The following RNF152 variants were observed in gnomAD, a reference collection of about 807,000 sequenced individuals.
The protein encoded by RNF152 is E3 ubiquitin-protein ligase RNF152.
RNF152 carries 11 observed loss-of-function variants against 12.7 expected under a neutral mutation model. That is an observed-to-expected ratio of 0.86 (90% CI 0.54 to 1.43). The LOEUF (loss-of-function observed/expected upper bound fraction) is 1.43, where lower values mean the gene tolerates loss of function less well. Among genes scored for constraint, RNF152 ranks in the 40% most tolerant of loss-of-function variants. RNF152 has a pLI of 0.00. For synonymous variants in RNF152, 113 were observed against 120.3 expected, an observed-to-expected ratio of 0.94 and a Z score of 0.40; for missense variants, 255 against 274.8, an observed-to-expected ratio of 0.93 and a Z score of 0.51.
At chr18:61,889,358 G>A (rs1912843723) in intron 1 of RNF152, among the ~76,000 whole-genome samples, 1 of 152,156 alleles carries the variant, frequency 6.6e-6, no homozygotes, top group South Asian at 2.1e-4. Context: ...TTATGCTTAA[G>A]GTATTTATCA....
At chr18:61,885,733 T>C (rs1912660696) in intron 1 of RNF152, among the ~76,000 whole-genome samples, 1 of 152,196 alleles carries the variant, frequency 6.6e-6, no homozygotes, top group Non-Finnish European at 1.5e-5. Context: ...AGAGTTTCTA[T>C]CATGTGAATG....
At chr18:61,857,874 C>T (rs1332265395) in intron 1 of RNF152, among the ~76,000 whole-genome samples, 2 of 152,224 alleles carry the variant, frequency 1.3e-5, no homozygotes, top group Non-Finnish European at 2.9e-5. Context: ...TCCAAAATAA[C>T]ACATTTGCCT....
At chr18:61,820,955 G>A (rs1909376663) in intron 1 of RNF152, among the ~76,000 whole-genome samples, 1 of 152,128 alleles carries the variant, frequency 6.6e-6, no homozygotes, top group African/African-American at 2.4e-5. Flanking sequence ...TGTGGCTGAA[G>A]GTCAAGTGAG....
chr18:61,848,991 A>AG (rs2144689804), intron 1 of RNF152, among the ~76,000 whole-genome samples: 1 of 152,284 alleles, frequency 6.6e-6, no homozygotes, highest in African/African-American at 2.4e-5. Context: ...GCACCAGCCC[A>AG]GGGGAGAACA....
At chr18:61,834,279 G>T (rs1387715533) in intron 1 of RNF152, among the ~76,000 whole-genome samples, 1 of 152,212 alleles carries the variant, frequency 6.6e-6, no homozygotes, top group Non-Finnish European at 1.5e-5. Flanking sequence ...CCCAAGCTAA[G>T]AGAAAGAATG....
At chr18:61,816,792 T>C (rs1362734014) in intron 1 of RNF152, among the ~76,000 whole-genome samples, 194 bp from the exon 2 acceptor site, 1 of 152,210 alleles carries the variant, frequency 6.6e-6, no homozygotes, top group Non-Finnish European at 1.5e-5. Context: ...AGAGAGCATG[T>C]CATGGCAAAT....
chr18:61,872,082 TTAC>T (rs572690204), intron 1 of RNF152, among the ~76,000 whole-genome samples: 120 of 152,244 alleles, frequency 7.9e-4, no homozygotes, highest in South Asian at 3.9e-3. Flanking sequence ...CTCAGGAAAC[TTAC>T]AAACATGGTG....
In RNF152 at chr18:61,809,266, G is replaced by A. The variant is rs959945480; in HGVS notation, c.*6586C>T. On this transcript the variant is annotated 3_prime_UTR_variant, in exon 2 of 2. Coordinates refer to ENST00000312828, the MANE Select transcript of RNF152 (RefSeq NM_173557.3). ...CCCTCAACCCAGAAAATCCTATGAG[G>A]ATTTGTAAATGAAATCCTCATAGGA... The A allele has an allele frequency of 1.3e-5, 2 of 151,818 alleles. No individual in the cohort carries two copies. The highest frequency in any genetic ancestry group is 1.3e-4 in the Admixed American group (2 of 15,238). 9.4% of individuals were successfully genotyped at this position (151,818 alleles called of 1,614,324 possible). A position where few individuals can be genotyped will look rare whatever the true frequency, so the allele number is the denominator to read the frequency against.
At chr18:61,848,441 C>G (rs1367808925) in intron 1 of RNF152, among the ~76,000 whole-genome samples, 1 of 152,188 alleles carries the variant, frequency 6.6e-6, no homozygotes, top group Non-Finnish European at 1.5e-5. Context: ...CAATACCACC[C>G]TGCTACCATC....
intron 1 of RNF152, among the ~76,000 whole-genome samples, chr18:61,880,862 TCTTTA>T (rs1465247750): frequency 6.6e-6 from 1 of 151,928 alleles, no homozygotes; most frequent in Non-Finnish European, 1.5e-5. Flanking sequence ...CTTATTCTTC[TCTTTA>T]CTCACTCCTC....
chr18:61,864,055 A>T (rs1187298855), intron 1 of RNF152, among the ~76,000 whole-genome samples: 1 of 152,204 alleles, frequency 6.6e-6, no homozygotes, highest in Non-Finnish European at 1.5e-5. Flanking sequence ...CCCATAGAAC[A>T]TTTCTGACAT....
rs1912816195 is a variant in RNF152 at position 61,808,773 on chromosome 18, C to T, written c.*7079G>A. The T allele has an allele frequency of 1.3e-5, 2 of 152,214 alleles. No homozygotes were observed. Among genetic ancestry groups the T allele is most frequent in the South Asian group, 4.1e-4 (2 of 4,834 alleles). The allele number at this position is 152,214 out of a possible 1,614,324, so 9.4% of individuals were successfully genotyped here. A position where few individuals can be genotyped will look rare whatever the true frequency, so the allele number is the denominator to read the frequency against. On this transcript the variant is annotated 3_prime_UTR_variant, in exon 2 of 2. Coordinates refer to ENST00000312828, the MANE Select transcript of RNF152 (RefSeq NM_173557.3). ...TGACATACTCAAGTCAGGATAGATC[C>T]ACAGGAACAGGCCTTGCATTCCATG...
At chr18:61,820,325 T>A (rs1404404996) in intron 1 of RNF152, among the ~76,000 whole-genome samples, 1 of 62,940 alleles carries the variant, frequency 1.6e-5, no homozygotes, top group African/African-American at 6.1e-5. Context: ...AGAGACTCCG[T>A]CTCACCAAAA....
intron 1 of RNF152, among the ~76,000 whole-genome samples, chr18:61,869,645 C>A (rs543730174): frequency 6.6e-6 from 1 of 152,234 alleles, no homozygotes; most frequent in South Asian, 2.1e-4. Flanking sequence ...CAGGAAGACA[C>A]CACAGATCAT....
intron 1 of RNF152, among the ~76,000 whole-genome samples, chr18:61,891,255 T>C (rs1344882409): frequency 1.3e-5 from 2 of 152,194 alleles, no homozygotes; most frequent in Admixed American, 6.5e-5. Flanking sequence ...CTCCTTCTTA[T>C]ATAAAAAAAA....
rs371346822 is a variant in RNF152, at chr18:61,842,861, AC to A, written c.-135-26264del. On this transcript the variant is annotated intron_variant, in intron 1 of 1. Transcript: ENST00000312828. ...ACCCATTCACTATCACAAGAACAGC[AC>A]GGGAAAGACCCGCCCTCATAATTCA... 7.9e-5 allele frequency among the ~76,000 whole-genome samples: 12 copies of A among 152,254 alleles called. No homozygotes were observed. The East Asian group carries it at 2.3e-3, about 29-fold the overall frequency.
intron 1 of RNF152, among the ~76,000 whole-genome samples, chr18:61,868,086 G>A (rs1911820220): frequency 6.6e-6 from 1 of 152,150 alleles, no homozygotes; most frequent in South Asian, 2.1e-4. Context: ...ATGGTAATGT[G>A]TGCAGCTGGG....
intron 1 of RNF152, among the ~76,000 whole-genome samples, chr18:61,864,280 T>A (rs578140424): frequency 4.9e-4 from 74 of 152,310 alleles, no homozygotes; most frequent in Non-Finnish European, 8.7e-4. Flanking sequence ...TCAGTGGGGT[T>A]TCTCACAACC....
At chr18:61,833,793 C>T (rs1341756029) in intron 1 of RNF152, among the ~76,000 whole-genome samples, 2 of 152,190 alleles carry the variant, frequency 1.3e-5, no homozygotes, top group African/African-American at 4.8e-5. Context: ...ATTTTTCTTT[C>T]TGTCCATAGA....
Sources: gnomAD v4.1 joint callset for allele counts (sites outside exome capture counted in the v4.1 genomes callset) on GRCh38, gnomAD v4.1.1 for gene constraint, MANE v1.5 for transcripts, NCBI Gene and HGNC (gene_info 2026-07-23, HGNC 2026-07-21) for gene names.